Variants in RGS18 observed in about 807,000 individuals in gnomAD.
RGS18 encodes the protein regulator of G protein signaling 18, also known as regulator of G-protein signaling 18.
In RGS18, 22 loss-of-function variants were observed where a neutral mutation model predicts 27.6. That is an observed-to-expected ratio of 0.80 (90% CI 0.57 to 1.14). The LOEUF is 1.14. Among genes scored for constraint, RGS18 ranks in the 50% most tolerant of loss-of-function variants. The pLI is 0.00. For missense variants in RGS18, 299 were observed against 269.6 expected (o/e 1.11, Z -0.76); for synonymous variants, 89 against 84.6 (o/e 1.05, Z -0.29).
intron 3 of RGS18, among the ~76,000 whole-genome samples, chr1:192,175,249 CTT>C (rs541174121): frequency 1.8e-4 from 27 of 151,740 alleles, no homozygotes; most frequent in Non-Finnish European, 3.2e-4. Context: ...TTTTAGATAA[CTT>C]ATCAGTTTTT....
intron 3 of RGS18, among the ~76,000 whole-genome samples, chr1:192,175,327 T>G (rs1292921293): frequency 1.4e-3 from 1 of 692 alleles, no homozygotes; most frequent in Non-Finnish European, 0.028. Flanking sequence ...TATCACTAAT[T>G]TTTTTTTTGT....
chr1:192,160,274 T>G (rs955700830), intron 2 of RGS18, 104 bp from the exon 3 acceptor site: 2 of 522,752 alleles, frequency 3.8e-6, no homozygotes, highest in African/African-American at 3.9e-5. Flanking sequence ...AAGGAGAAAC[T>G]GTGAAATATA....
intron 3 of RGS18, chr1:192,169,764 T>C (rs1656224118): frequency 1.3e-5 from 2 of 151,940 alleles, no homozygotes; most frequent in Admixed American, 1.3e-4. Flanking sequence ...ATAGCAACTA[T>C]TAAGCAAAGC....
chr1:192,161,041 A>G (rs1656061722), intron 3 of RGS18, among the ~76,000 whole-genome samples: 1 of 152,080 alleles, frequency 6.6e-6, no homozygotes, highest in South Asian at 2.1e-4. Flanking sequence ...TAGTAGAGAC[A>G]GGGTTTCACC....
At position 192,158,710 on chromosome 1, in the gene RGS18, A is replaced by C. The variant is rs373752631; in HGVS notation, c.73A>C (p.Ile25Leu). ...ESKEKTFFKLIHGSGKEETSK... is the reference protein window; with the variant it reads ...ESKEKTFFKLLHGSGKEETSK... ...AAAAGAAAAAACTTTTTTCAAGTTA[A>C]TACATGGTTCAGGAAAAGAAGAAAC... The change falls in exon 1 of 5, where the codon ATA (isoleucine) becomes CTA (leucine). Residue 25 changes from isoleucine to leucine, a missense_variant. Transcript: ENST00000367460. 1.9e-6 allele frequency: 3 copies of C among 1,578,864 alleles called. No individual in the cohort carries two copies. The African/African-American group carries it at 4.1e-5, about 22-fold the overall frequency.
At chr1:192,172,470 A>G (rs956319108) in intron 3 of RGS18, among the ~76,000 whole-genome samples, 3 of 151,978 alleles carry the variant, frequency 2.0e-5, no homozygotes, top group African/African-American at 7.2e-5. Context: ...GGCTTCTTAT[A>G]CCACCGGCAG....
At chr1:192,161,611 C>A (rs968281089) in intron 3 of RGS18, 2 of 151,828 alleles carry the variant, frequency 1.3e-5, no homozygotes, top group African/African-American at 4.8e-5. Context: ...TTAAACTTGT[C>A]CAGTTTCTCA....
chr1:192,169,943 A>T (rs1161277329), intron 3 of RGS18, among the ~76,000 whole-genome samples: 1 of 152,188 alleles, frequency 6.6e-6, no homozygotes, highest in Non-Finnish European at 1.5e-5. Context: ...AAGGACAAAT[A>T]CTTTAGCAAT....
rs551688485 is a variant in RGS18 at position 192,182,064 on chromosome 1, T to C, written c.450+606T>C. Among the ~76,000 whole-genome samples the C allele has an allele frequency of 2.0e-5, 3 of 151,764 alleles. No homozygotes were observed. The South Asian group carries it at 6.2e-4, about 31-fold the overall frequency. ...TAATAACTCAATAGTGTTCCATATGTACCACATTTTCTTTATACATTCATC... is the reference window on the plus strand; with the variant it reads ...TAATAACTCAATAGTGTTCCATATGCACCACATTTTCTTTATACATTCATC... On this transcript the variant is annotated intron_variant, in intron 4 of 4. Coordinates refer to ENST00000367460, the MANE Select transcript of RGS18 (RefSeq NM_130782.3).
At chr1:192,179,044 A>G (rs1656404422) in intron 3 of RGS18, among the ~76,000 whole-genome samples, 2 of 151,674 alleles carry the variant, frequency 1.3e-5, no homozygotes, top group African/African-American at 4.8e-5. Context: ...TTTAGCAAAT[A>G]GCACATTTAA....
At chr1:192,158,869 G>T in intron 1 of RGS18, 113 bp downstream of exon 1, 1 of 761,458 alleles carries the variant, frequency 1.3e-6, no homozygotes. Context: ...TGTTTGTATT[G>T]CTATAATTTG....
Position 192,158,632 on chromosome 1 carries a change from GAGA to G in RGS18, c.-2_1del. ...AAATTAGACATCTCTTCATTTTAGAGAGAAGATGGAAACAACATTGCTTTTCTT... is the reference window on the plus strand; with the variant it reads ...AAATTAGACATCTCTTCATTTTAGAGAGATGGAAACAACATTGCTTTTCTT... On this transcript the variant is annotated 5_prime_UTR_variant, in exon 1 of 5. Transcript: ENST00000367460. 6.5e-7 allele frequency: 1 copy of G among 1,545,478 alleles called. No individual in the cohort carries two copies. Among genetic ancestry groups the G allele is most frequent in the Non-Finnish European group, 8.7e-7 (1 of 1,153,148 alleles).
chr1:192,170,350 G>A (rs773153400), intron 3 of RGS18, among the ~76,000 whole-genome samples: 5 of 152,026 alleles, frequency 3.3e-5, no homozygotes, highest in Non-Finnish European at 5.9e-5. Context: ...AGTAATAAGC[G>A]AGTTATCATT....
intron 3 of RGS18, among the ~76,000 whole-genome samples, chr1:192,174,024 T>G (rs1656315143): frequency 6.6e-6 from 1 of 151,746 alleles, no homozygotes. Context: ...TTTCTTTTTT[T>G]TTACTAGACC....
intron 3 of RGS18, among the ~76,000 whole-genome samples, chr1:192,167,468 A>G (rs115989184): frequency 0.032 from 4,894 of 151,832 alleles, 116 homozygotes; most frequent in African/African-American, 0.065. Flanking sequence ...CACCCAGGCT[A>G]GAGTGCAATG....
chr1:192,162,405 T>A (rs1317622022), intron 3 of RGS18, among the ~76,000 whole-genome samples: 2 of 152,056 alleles, frequency 1.3e-5, no homozygotes, highest in Non-Finnish European at 2.9e-5. Context: ...ACCTCTTGGG[T>A]TCAAGGGATT....
At position 192,179,218 on chromosome 1, in the gene RGS18, T is replaced by A. The variant is rs546204069; in HGVS notation, c.284-2074T>A. Among the ~76,000 whole-genome samples, 8 of 151,644 alleles carry A rather than the reference T, an allele frequency of 5.3e-5. No individual in the cohort carries two copies. The South Asian group carries it at 1.7e-3, about 31-fold the overall frequency. On this transcript the variant is annotated intron_variant, in intron 3 of 4. Transcript: ENST00000367460. The stretch of plus-strand genomic sequence containing the variant: ...GCCAAGTGGGAAGTCCAGATGGGAC[T>A]CATGATATTTCCTTATGCAATAACT...
chr1:192,163,872 T>A (rs200432565), intron 3 of RGS18, among the ~76,000 whole-genome samples: 98,914 of 148,514 alleles, frequency 0.67, 34,784 homozygotes, highest in East Asian at 0.8. Context: ...TATATATATT[T>A]TTTTTTTTTC....
chr1:192,170,923 C>G (rs1656243616), intron 3 of RGS18, among the ~76,000 whole-genome samples: 1 of 152,044 alleles, frequency 6.6e-6, no homozygotes. Context: ...TATACAAGTC[C>G]AAGTTCTCAA....
Sources: allele counts gnomAD v4.1 joint callset (sites outside exome capture counted in the v4.1 genomes callset), GRCh38; gene constraint gnomAD v4.1.1; transcripts MANE v1.5; gene names NCBI Gene and HGNC (gene_info 2026-07-23, HGNC 2026-07-21).